Variants in TFEC observed in about 807,000 individuals in gnomAD.
The protein encoded by TFEC is transcription factor EC.
Under a neutral mutation model 41.6 loss-of-function variants are expected in TFEC, and 31 were observed. The ratio of observed to expected loss-of-function variants is 0.74; its 90% CI spans 0.56 to 1.01. The LOEUF (loss-of-function observed/expected upper bound fraction) is 1.01, where lower values mean the gene tolerates loss of function less well. Ranked by LOEUF, TFEC falls within the 50% of genes least tolerant of loss-of-function variation. The pLI, the probability that TFEC is intolerant of heterozygous loss-of-function variation, is 0.00. For missense variants in TFEC, 402 were observed against 404.1 expected (o/e 0.99, Z 0.04); for synonymous variants, 143 against 140.6 (o/e 1.02, Z -0.12).
intron 3 of TFEC, among the ~76,000 whole-genome samples, chr7:115,958,837 C>T (rs1244288753): frequency 1.3e-5 from 2 of 151,800 alleles, no homozygotes; most frequent in African/African-American, 4.8e-5. Flanking sequence ...ATGTAAATGG[C>T]TCATCACTTT....
In TFEC at chr7:116,040,887, T is replaced by C. The variant is rs188248321; in HGVS notation, c.199-56374A>G. On this transcript the variant is annotated intron_variant, in intron 3 of 8. Coordinates refer to the TFEC transcript ENST00000484212. ...AAAGAATAACATTAGATTATTCGCT[T>C]TTATTTTGACAGAGTTCAAATAGCA... Among the ~76,000 whole-genome samples the C allele has an allele frequency of 6.0e-4, 91 of 152,330 alleles. 1 individual carries two copies. The highest frequency in any genetic ancestry group is 2.0e-3 in the African/African-American group (84 of 41,586).
At chr7:116,070,142 GTA>G (rs1051004649) in intron 3 of TFEC, among the ~76,000 whole-genome samples, 9 of 151,242 alleles carry the variant, frequency 6.0e-5, no homozygotes, top group Non-Finnish European at 1.2e-4. Flanking sequence ...GTCTATATAT[GTA>G]TATGTGTGTG....
intron 2 of TFEC, among the ~76,000 whole-genome samples, 186 bp from the exon 3 acceptor site, chr7:115,974,442 ATATATAT>A: frequency 2.0e-5 from 1 of 51,024 alleles, no homozygotes; most frequent in African/African-American, 7.4e-5. Context: ...ATATATATAT[ATATATAT>A]AAAAACACAG....
At chr7:116,124,511 C>G (rs1798172507) in intron 1 of TFEC, among the ~76,000 whole-genome samples, 1 of 149,386 alleles carries the variant, frequency 6.7e-6, no homozygotes, top group South Asian at 2.2e-4. Context: ...ATATTTTACC[C>G]CTAAAATGTG....
At chr7:116,008,132 T>C (rs1794869290) in intron 1 of TFEC, among the ~76,000 whole-genome samples, 1 of 152,094 alleles carries the variant, frequency 6.6e-6, no homozygotes, top group Non-Finnish European at 1.5e-5. Context: ...AACTCAAAAC[T>C]AAAAAGTGAT....
chr7:115,986,903 TATA>T (rs1793884118), intron 1 of TFEC, among the ~76,000 whole-genome samples: 1 of 121,648 alleles, frequency 8.2e-6, no homozygotes, highest in Non-Finnish European at 1.7e-5. Context: ...GAACTTAAAG[TATA>T]ATAAGTATAT....
intron 3 of TFEC, among the ~76,000 whole-genome samples, chr7:116,039,441 GTGTGTGTGTC>G (rs1795983602): frequency 9.8e-6 from 1 of 101,882 alleles, no homozygotes; most frequent in African/African-American, 3.4e-5. Flanking sequence ...GTGTGTGTGT[GTGTGTGTGTC>G]TGTGTGTGTG....
intron 1 of TFEC, among the ~76,000 whole-genome samples, chr7:116,007,095 A>T (rs1178018885): frequency 6.6e-6 from 1 of 152,208 alleles, no homozygotes; most frequent in African/African-American, 2.4e-5. Context: ...ATACAATTAC[A>T]TATACAAAAT....
At chr7:116,150,010 A>G (rs1211487409) in intron 1 of TFEC, among the ~76,000 whole-genome samples, 1 of 152,178 alleles carries the variant, frequency 6.6e-6, no homozygotes, top group Non-Finnish European at 1.5e-5. Context: ...AACCAAATAT[A>G]CTTTCTCCTC....
chr7:116,090,396 T>C (rs757711331), intron 3 of TFEC, among the ~76,000 whole-genome samples: 4 of 152,138 alleles, frequency 2.6e-5, no homozygotes, highest in Non-Finnish European at 4.4e-5. Context: ...GCTCCCACAC[T>C]GTGGAGTGTA....
chr7:116,024,528 G>A (rs1280417805), intron 1 of TFEC, among the ~76,000 whole-genome samples: 1 of 152,092 alleles, frequency 6.6e-6, no homozygotes, highest in African/African-American at 2.4e-5. Flanking sequence ...CTTGCCCCAA[G>A]AGTCTTGTCA....
At chr7:115,949,973 T>A (rs1313831763) in intron 6 of TFEC, among the ~76,000 whole-genome samples, 2 of 151,884 alleles carry the variant, frequency 1.3e-5, no homozygotes, top group African/African-American at 2.4e-5. Context: ...TTTAATGAAA[T>A]ATTTTCAAAT....
intron 1 of TFEC, among the ~76,000 whole-genome samples, chr7:116,150,573 T>A (rs1798740570): frequency 6.6e-6 from 1 of 151,756 alleles, no homozygotes; most frequent in African/African-American, 2.4e-5. Flanking sequence ...ACCACCACAG[T>A]CACACGGTTA....
chr7:116,146,285 G>A (rs954053229), intron 1 of TFEC, among the ~76,000 whole-genome samples: 3 of 152,076 alleles, frequency 2.0e-5, no homozygotes, highest in South Asian at 2.1e-4. Context: ...TCCACTTGAG[G>A]GATGACAGGC....
intron 1 of TFEC, among the ~76,000 whole-genome samples, chr7:116,007,152 T>C (rs752653657): frequency 1.3e-5 from 2 of 152,178 alleles, no homozygotes; most frequent in African/African-American, 2.4e-5. Flanking sequence ...ATCTTTTTTT[T>C]AGACAGGAAA....
At chr7:115,993,639 C>T (rs901827984) in intron 1 of TFEC, among the ~76,000 whole-genome samples, 1 of 152,316 alleles carries the variant, frequency 6.6e-6, no homozygotes, top group Admixed American at 6.5e-5. Context: ...ACCTAGGAAT[C>T]CAACTTACAA....
chr7:115,946,174 T>A (rs1389366498), intron 6 of TFEC, among the ~76,000 whole-genome samples: 1 of 151,416 alleles, frequency 6.6e-6, no homozygotes, highest in Non-Finnish European at 1.5e-5. Context: ...AGTGTTTTCT[T>A]TAGCTAACAG....
chr7:116,156,345 T>C (rs528580280), intron 1 of TFEC, among the ~76,000 whole-genome samples: 2 of 152,346 alleles, frequency 1.3e-5, no homozygotes, highest in East Asian at 1.9e-4. Flanking sequence ...TCTAAAAATA[T>C]ATATCATGGG....
At chr7:116,019,175 C>T (rs1795303422) in intron 1 of TFEC, among the ~76,000 whole-genome samples, 1 of 152,132 alleles carries the variant, frequency 6.6e-6, no homozygotes, top group South Asian at 2.1e-4. Flanking sequence ...GCCAAAAACA[C>T]TGGATCACTC....
Sources: allele counts gnomAD v4.1 joint callset (sites outside exome capture counted in the v4.1 genomes callset), GRCh38; gene constraint gnomAD v4.1.1; transcripts MANE v1.5; gene names NCBI Gene and HGNC (gene_info 2026-07-23, HGNC 2026-07-21).